NDUFS3: variants seen among roughly 807,000 people sequenced by gnomAD.
NDUFS3 encodes NADH dehydrogenase [ubiquinone] iron-sulfur protein 3, mitochondrial.
NDUFS3 carries 19 observed loss-of-function variants against 30.8 expected under a neutral mutation model. That is an observed-to-expected ratio of 0.62 (90% CI 0.43 to 0.91). The LOEUF (loss-of-function observed/expected upper bound fraction) is 0.91, where lower values mean the gene tolerates loss of function less well. Ranked by LOEUF, NDUFS3 falls within the 40% of genes least tolerant of loss-of-function variation. The pLI, the probability that NDUFS3 is intolerant of heterozygous loss-of-function variation, is 0.00. For synonymous variants in NDUFS3, 153 were observed against 135.8 expected (o/e 1.13, Z -0.88); for missense variants, 331 against 342.0 (o/e 0.97, Z 0.25).
chr11:47,580,643 T>C, intron 3 of NDUFS3, 21 bp downstream of exon 3: 1 of 1,612,276 alleles, frequency 6.2e-7, no homozygotes, highest in Non-Finnish European at 8.5e-7. Context: ...CTAATGTTAT[T>C]TGGGTCTGGG....
Position 47,580,582 on chromosome 11 carries a change from A to G in NDUFS3, c.191A>G (p.Tyr64Cys). The G allele has an allele frequency of 6.2e-7, 1 of 1,614,196 alleles. No individual in the cohort carries two copies. The highest frequency in any genetic ancestry group is 8.5e-7 in the Non-Finnish European group (1 of 1,180,044). Residue 64 changes from tyrosine (Y) to cysteine (C), a missense_variant, in exon 3 of 7, where the codon TAT becomes TGT. Tyr to Cys is a radical substitution (Grantham distance 194, BLOSUM62 -2). Transcript: ENST00000263774. ...AAGCAGCTCTCAGCTTTTGGAGAGT[A>G]TGTGGCTGAAATCTTGCCCAAGTAT... is the stretch of plus-strand genomic sequence containing the variant. ...AHKQLSAFGE[Y>C]VAEILPKYVQ...
chr11:47,581,601 T>C (rs1474646207), intron 4 of NDUFS3: 1 of 248,182 alleles, frequency 4.0e-6, no homozygotes, highest in Non-Finnish European at 7.9e-6. Flanking sequence ...TAGCTATTAA[T>C]ATTTTACTGA....
rs192274239 is a variant in NDUFS3 at position 47,580,123 on chromosome 11, A to C, written c.134-402A>C. Among the ~76,000 whole-genome samples the C allele has an allele frequency of 4.4e-3, 663 of 152,060 alleles. 2 individuals are homozygous for C. Among genetic ancestry groups the C allele is most frequent in the African/African-American group, 0.015 (607 of 41,466 alleles). ...GGGATCTTCAAGCCCTGAAGTTCTTAGCTTGAGAACCTGGTATAAACTTGC... is the reference window on the plus strand; with the variant it reads ...GGGATCTTCAAGCCCTGAAGTTCTTCGCTTGAGAACCTGGTATAAACTTGC... On this transcript the variant is annotated intron_variant, in intron 2 of 6. Coordinates refer to ENST00000263774, the MANE Select transcript of NDUFS3 (RefSeq NM_004551.3).
Position 47,584,432 on chromosome 11 carries a change from C to A in NDUFS3, c.746C>A (p.Pro249Gln), listed in dbSNP as rs9600. The A allele has an allele frequency of 1.2e-6, 2 of 1,614,096 alleles. No individual in the cohort carries two copies. Among genetic ancestry groups the A allele is most frequent in the Non-Finnish European group, 1.7e-6 (2 of 1,180,036 alleles). ...WEAFPVYRQP[P>Q]ESLKLEAGDK... is the part of the protein sequence containing the mutation. Reference sequence around the variant, plus strand: ...GCTTTCCCAGTCTATCGCCAACCCCCGGAGAGTCTCAAGCTTGAAGCCGGA... The same window carrying A: ...GCTTTCCCAGTCTATCGCCAACCCCAGGAGAGTCTCAAGCTTGAAGCCGGA... Residue 249 changes from proline to glutamine, a missense_variant, in exon 7 of 7, where the codon CCG becomes CAG. By Grantham distance (76) the Pro-to-Gln change is moderately conservative. Transcript: ENST00000263774.
chr11:47,581,678 T>G, intron 4 of NDUFS3: 1 of 274,730 alleles, frequency 3.6e-6, no homozygotes, highest in Non-Finnish European at 7.1e-6. Flanking sequence ...CCTCCAGGAG[T>G]CCCCTACACT....
At chr11:47,579,653 G>T in intron 2 of NDUFS3, 1 of 524,564 alleles carries the variant, frequency 1.9e-6, no homozygotes. Flanking sequence ...CTTAATGTGT[G>T]CCTGGAACCT....
intron 6 of NDUFS3, among the ~76,000 whole-genome samples, chr11:47,583,212 A>G (rs1254437986): frequency 6.6e-6 from 1 of 151,982 alleles, no homozygotes; most frequent in Non-Finnish European, 1.5e-5. Flanking sequence ...CAACATGCCC[A>G]GCAAATTTTT....
At chr11:47,579,375 G>T (rs756221489) in intron 2 of NDUFS3, 41 bp downstream of exon 2, 4 of 1,610,562 alleles carry the variant, frequency 2.5e-6, no homozygotes, top group South Asian at 1.1e-5. Flanking sequence ...AACTATCGGC[G>T]GGGCCCCTTA....
intron 2 of NDUFS3, 174 bp downstream of exon 2, chr11:47,579,508 T>A (rs913359909): frequency 1.4e-6 from 1 of 725,990 alleles, no homozygotes; most frequent in Admixed American, 2.4e-5. Context: ...TTAGGCCTGT[T>A]ATGGCCCTGA....
Position 47,582,094 on chromosome 11 carries a change from T to A in NDUFS3, c.388T>A (p.Tyr130Asn), listed in dbSNP as rs2153795386. ...ATCCTTCTGTTCTCCCTAGATTGTCTACAACCTGTTGTCTCTGCGCTTCAA... is the reference window on the plus strand; with the variant it reads ...ATCCTTCTGTTCTCCCTAGATTGTCAACAACCTGTTGTCTCTGCGCTTCAA... ...PTRQNRFEIV[Y>N]NLLSLRFNSR... is the part of the protein sequence containing the mutation. Residue 130 changes from tyrosine (Y) to asparagine (N), a missense_variant, in exon 5 of 7, where the codon TAC (tyrosine) becomes AAC (asparagine). Tyr to Asn is a moderately radical substitution (Grantham distance 143). Coordinates refer to ENST00000263774, the MANE Select transcript of NDUFS3 (RefSeq NM_004551.3). 2 of 1,613,924 alleles carry A rather than the reference T, an allele frequency of 1.2e-6. No individual in the cohort carries two copies. The highest frequency in any genetic ancestry group is 4.5e-5 in the East Asian group (2 of 44,884).
At chr11:47,584,223 G>T in intron 6 of NDUFS3, 91 bp from the exon 7 acceptor site, 1 of 1,552,186 alleles carries the variant, frequency 6.4e-7, no homozygotes, top group Non-Finnish European at 8.9e-7. Context: ...AATGGGCTGG[G>T]GAAGTCACCA....
chr11:47,579,568 A>G, intron 2 of NDUFS3: 1 of 612,618 alleles, frequency 1.6e-6, no homozygotes, highest in South Asian at 2.0e-5. Context: ...TTAAACTGTC[A>G]GCTCTTTGAA....
At chr11:47,581,964 G>GT in intron 4 of NDUFS3, 124 bp from the exon 5 acceptor site, 1 of 1,317,182 alleles carries the variant, frequency 7.6e-7, no homozygotes, top group Non-Finnish European at 1.1e-6. Flanking sequence ...GCCTTTGGAA[G>GT]TAGTTGTAAG....
rs3740654 is a variant in NDUFS3 at position 47,584,433 on chromosome 11, G to A, written c.747G>A (p.Pro249=). 2.8e-4 allele frequency: 448 copies of A among 1,614,048 alleles called. 8 individuals are homozygous for A. In the East Asian group the frequency reaches 9.7e-3, roughly 35 times the overall value. The change falls in exon 7 of 7, where the codon CCG becomes CCA. Residue 249 remains proline, a synonymous_variant. Coordinates refer to ENST00000263774, the MANE Select transcript of NDUFS3 (RefSeq NM_004551.3). ...CTTTCCCAGTCTATCGCCAACCCCC[G>A]GAGAGTCTCAAGCTTGAAGCCGGAG... ...WEAFPVYRQP[P]ESLKLEAGDK...
chr11:47,580,429 T>C (rs1176789943), intron 2 of NDUFS3, 96 bp from the exon 3 acceptor site: 7 of 1,169,964 alleles, frequency 6.0e-6, no homozygotes, highest in Non-Finnish European at 7.7e-6. Context: ...AGGGAGCCTT[T>C]CCTGGATTTG....
chr11:47,583,646 G>A (rs908323721), intron 6 of NDUFS3, among the ~76,000 whole-genome samples: 2 of 152,284 alleles, frequency 1.3e-5, no homozygotes, highest in South Asian at 2.1e-4. Flanking sequence ...GAGATGTGGT[G>A]CTCCAGCCCT....
chr11:47,582,011 A>G, intron 4 of NDUFS3, 77 bp from the exon 5 acceptor site: 2 of 1,577,020 alleles, frequency 1.3e-6, no homozygotes, highest in South Asian at 1.1e-5. Context: ...TTCAGAATAG[A>G]AGGCAGGGTC....
intron 2 of NDUFS3, 33 bp downstream of exon 2, chr11:47,579,367 C>T: frequency 6.2e-7 from 1 of 1,611,958 alleles, no homozygotes; most frequent in East Asian, 2.2e-5. Flanking sequence ...CTTCTCTGAA[C>T]TATCGGCGGG....
chr11:47,582,789 A>T (rs1480183451), intron 6 of NDUFS3, among the ~76,000 whole-genome samples: 3 of 152,194 alleles, frequency 2.0e-5, no homozygotes, highest in Non-Finnish European at 4.4e-5. Flanking sequence ...TGAGTCCAGG[A>T]GTTCGAGAAC....
Sources: allele counts gnomAD v4.1 joint callset (sites outside exome capture counted in the v4.1 genomes callset), GRCh38; gene constraint gnomAD v4.1.1; transcripts MANE v1.5; gene names NCBI Gene and HGNC (gene_info 2026-07-23, HGNC 2026-07-21).